GPC6: variants seen among roughly 807,000 people sequenced by gnomAD.
The protein encoded by GPC6 is glypican-6.
GPC6 carries 14 observed loss-of-function variants against 55.2 expected under a neutral mutation model. That is an observed-to-expected ratio of 0.25 (90% CI 0.17 to 0.40). GPC6 has a LOEUF of 0.40. Ranked by LOEUF, GPC6 falls within the 10% of genes least tolerant of loss-of-function variation. GPC6 has a pLI of 1.00. For missense variants in GPC6, 641 were observed against 708.5 expected (o/e 0.90, Z 1.08); for synonymous variants, 278 against 259.6 (o/e 1.07, Z -0.68).
At chr13:93,674,774 T>C (rs564807523) in intron 2 of GPC6, among the ~76,000 whole-genome samples, 25 of 152,300 alleles carry the variant, frequency 1.6e-4, no homozygotes, top group African/African-American at 6.0e-4. Context: ...GTGTTTTAGC[T>C]GTGCCTAAAC....
intron 2 of GPC6, among the ~76,000 whole-genome samples, chr13:93,743,010 G>A (rs1355325130): frequency 6.6e-6 from 1 of 152,172 alleles, no homozygotes; most frequent in Non-Finnish European, 1.5e-5. Flanking sequence ...AAGAAGGCCT[G>A]AAGTTACAGG....
At chr13:93,558,519 G>T (rs998140487) in intron 2 of GPC6, among the ~76,000 whole-genome samples, 1 of 152,158 alleles carries the variant, frequency 6.6e-6, no homozygotes, top group Non-Finnish European at 1.5e-5. Context: ...AGGATTGAAG[G>T]CATGGAGATG....
At chr13:94,366,195 G>A (rs540135494) in intron 6 of GPC6, among the ~76,000 whole-genome samples, 1 of 152,322 alleles carries the variant, frequency 6.6e-6, no homozygotes, top group South Asian at 2.1e-4. Context: ...TACATTTGAA[G>A]TAAGAGTTGG....
intron 1 of GPC6, among the ~76,000 whole-genome samples, chr13:93,352,187 C>T (rs1308350552): frequency 2.0e-5 from 3 of 152,068 alleles, no homozygotes; most frequent in East Asian, 1.9e-4. Flanking sequence ...GGTAAATTTA[C>T]GGAACACCAA....
At chr13:93,373,285 G>A (rs1874748570) in intron 1 of GPC6, among the ~76,000 whole-genome samples, 3 of 152,026 alleles carry the variant, frequency 2.0e-5, no homozygotes, top group Non-Finnish European at 4.4e-5. Flanking sequence ...AAATGCAAAG[G>A]AGCACATTTC....
At chr13:94,343,670 A>G (rs1020362333) in intron 6 of GPC6, among the ~76,000 whole-genome samples, 2 of 152,196 alleles carry the variant, frequency 1.3e-5, no homozygotes, top group African/African-American at 2.4e-5. Context: ...CACAGGAAAT[A>G]TATTTGTTGA....
intron 5 of GPC6, among the ~76,000 whole-genome samples, chr13:94,286,833 C>G (rs1025616896): frequency 2.0e-5 from 3 of 152,176 alleles, no homozygotes; most frequent in Admixed American, 6.5e-5. Flanking sequence ...TGTTCTCTGT[C>G]TAGCAACTTC....
intron 2 of GPC6, among the ~76,000 whole-genome samples, chr13:93,728,626 G>A (rs1359804369): frequency 6.6e-6 from 1 of 151,744 alleles, no homozygotes; most frequent in South Asian, 2.1e-4. Context: ...GAGTGCAGTG[G>A]TACAATTTCA....
Position 93,333,844 on chromosome 13 carries a change from C to T in GPC6, c.160+106228C>T, listed in dbSNP as rs542916160. 7.2e-5 allele frequency among the ~76,000 whole-genome samples: 11 copies of T among 152,208 alleles called. No homozygotes were observed. The South Asian group carries it at 1.0e-3, about 14-fold the overall frequency. ...TGAGCCAGTGTGCCAAGCCACCAAA[C>T]GCTACTGATTTTTCTATGTTGATTT... is the stretch of plus-strand genomic sequence containing the variant. On this transcript the variant is annotated intron_variant, in intron 1 of 8. Coordinates refer to ENST00000377047, the MANE Select transcript of GPC6 (RefSeq NM_005708.5).
intron 1 of GPC6, among the ~76,000 whole-genome samples, chr13:93,357,487 G>A (rs961633211): frequency 2.2e-4 from 33 of 152,106 alleles, no homozygotes; most frequent in African/African-American, 7.7e-4. Context: ...CCATCTCCAT[G>A]GATAGATAAC....
chr13:93,823,680 A>G (rs1214983964), intron 2 of GPC6, among the ~76,000 whole-genome samples: 1 of 152,124 alleles, frequency 6.6e-6, no homozygotes, highest in Non-Finnish European at 1.5e-5. Context: ...AAGATGTTCT[A>G]TTGCCATATT....
chr13:93,373,728 C>T (rs886555262), intron 1 of GPC6, among the ~76,000 whole-genome samples: 39 of 152,268 alleles, frequency 2.6e-4, no homozygotes, highest in South Asian at 2.1e-3. Context: ...TTATGTTAAT[C>T]ACATAGTTAA....
At chr13:94,045,317 G>T (rs1883691833) in intron 4 of GPC6, among the ~76,000 whole-genome samples, 1 of 151,834 alleles carries the variant, frequency 6.6e-6, no homozygotes, top group African/African-American at 2.4e-5. Context: ...CTAGGAAATT[G>T]CTCATTAAAT....
intron 2 of GPC6, among the ~76,000 whole-genome samples, chr13:93,637,616 C>T (rs1039588735): frequency 3.3e-5 from 5 of 152,072 alleles, no homozygotes; most frequent in African/African-American, 9.7e-5. Flanking sequence ...AGGTGATGTT[C>T]TATAGAAAAT....
chr13:94,329,034 G>T (rs375225417), intron 6 of GPC6, among the ~76,000 whole-genome samples: 1 of 152,192 alleles, frequency 6.6e-6, no homozygotes, highest in Non-Finnish European at 1.5e-5. Context: ...AACCCCGGGG[G>T]GGGCTGAAAT....
intron 1 of GPC6, among the ~76,000 whole-genome samples, chr13:93,484,735 A>G (rs1879639721): frequency 1.3e-5 from 2 of 152,292 alleles, no homozygotes; most frequent in African/African-American, 2.4e-5. Flanking sequence ...TTAAATGATA[A>G]TGAAATACAG....
intron 2 of GPC6, among the ~76,000 whole-genome samples, chr13:93,804,517 A>C (rs921217482): frequency 3.3e-5 from 5 of 152,152 alleles, no homozygotes; most frequent in African/African-American, 1.2e-4. Context: ...TAATTTTACT[A>C]TTTTAATTCT....
At chr13:94,152,282 A>C (rs1051225266) in intron 4 of GPC6, among the ~76,000 whole-genome samples, 1 of 152,192 alleles carries the variant, frequency 6.6e-6, no homozygotes, top group African/African-American at 2.4e-5. Context: ...TTGACTTACT[A>C]TAAAGAAGTA....
intron 4 of GPC6, among the ~76,000 whole-genome samples, chr13:94,157,408 C>A (rs541801030): frequency 6.6e-6 from 1 of 152,120 alleles, no homozygotes; most frequent in African/African-American, 2.4e-5. Context: ...TCATAGAAAC[C>A]TTCGTGATAG....
Sources: gnomAD v4.1 joint callset for allele counts (sites outside exome capture counted in the v4.1 genomes callset) on GRCh38, gnomAD v4.1.1 for gene constraint, MANE v1.5 for transcripts, NCBI Gene and HGNC (gene_info 2026-07-23, HGNC 2026-07-21) for gene names.